SLIT3: variants seen among roughly 807,000 people sequenced by gnomAD.
The protein encoded by SLIT3 is slit guidance ligand 3.
A neutral mutation model predicts 184.0 loss-of-function variants in SLIT3; 68 were observed. That is an observed-to-expected ratio of 0.37 (90% CI 0.30 to 0.45). The LOEUF is 0.45. Among genes scored for constraint, SLIT3 ranks in the 20% least tolerant of loss-of-function variants. The probability of loss-of-function intolerance (pLI) is 1.00; values close to 1 mark genes in which losing one functional copy is unlikely to be tolerated. For synonymous variants in SLIT3, 831 were observed against 828.6 expected (o/e 1.00, Z -0.05); for missense variants, 1,707 against 2,026.0 (o/e 0.84, Z 3.02).
chr5:168,903,955 T>G (rs888072275), intron 4 of SLIT3, among the ~76,000 whole-genome samples: 1 of 152,150 alleles, frequency 6.6e-6, no homozygotes, highest in Non-Finnish European at 1.5e-5. Context: ...GGAACTGAGT[T>G]TGTTGAACCC....
At chr5:169,180,835 A>G (rs971469434) in intron 4 of SLIT3, among the ~76,000 whole-genome samples, 14 of 152,162 alleles carry the variant, frequency 9.2e-5, no homozygotes, top group African/African-American at 3.1e-4. Flanking sequence ...CCTAACAATT[A>G]TTTCCTAAGA....
intron 1 of SLIT3, among the ~76,000 whole-genome samples, chr5:169,252,396 T>C (rs1765807886): frequency 6.6e-6 from 1 of 152,190 alleles, no homozygotes; most frequent in South Asian, 2.1e-4. Context: ...GCTGAAGTGG[T>C]GGCGGTGATA....
At chr5:168,877,564 C>A (rs1315789733) in intron 5 of SLIT3, among the ~76,000 whole-genome samples, 1 of 152,184 alleles carries the variant, frequency 6.6e-6, no homozygotes, top group East Asian at 1.9e-4. Context: ...TCCCTCCCCA[C>A]ACCTCCCTCA....
chr5:168,882,166 AAT>A (rs1323135442), intron 5 of SLIT3, among the ~76,000 whole-genome samples: 1 of 152,156 alleles, frequency 6.6e-6, no homozygotes, highest in African/African-American at 2.4e-5. Flanking sequence ...GAAAAGTGAC[AAT>A]GTCTTTTTTT....
At chr5:168,985,064 C>T (rs1388105001) in intron 4 of SLIT3, among the ~76,000 whole-genome samples, 1 of 152,190 alleles carries the variant, frequency 6.6e-6, no homozygotes, top group Non-Finnish European at 1.5e-5. Context: ...CTTAGAATGA[C>T]AATTACTTGA....
At chr5:168,771,309 G>A (rs905782958) in intron 14 of SLIT3, among the ~76,000 whole-genome samples, 1 of 152,188 alleles carries the variant, frequency 6.6e-6, no homozygotes, top group Non-Finnish European at 1.5e-5. Flanking sequence ...GCGGGTAGGG[G>A]TGGGAGCATG....
intron 4 of SLIT3, among the ~76,000 whole-genome samples, chr5:168,907,006 G>A (rs1761075018): frequency 6.6e-6 from 1 of 152,068 alleles, no homozygotes; most frequent in South Asian, 2.1e-4. Flanking sequence ...GACTACAGGT[G>A]CACGCCACCA....
intron 4 of SLIT3, among the ~76,000 whole-genome samples, chr5:168,990,473 C>T (rs1755281713): frequency 6.6e-6 from 1 of 152,218 alleles, no homozygotes; most frequent in Non-Finnish European, 1.5e-5. Flanking sequence ...ATGACCACCT[C>T]ACAGCCTTAA....
chr5:169,112,311 G>A (rs1760441568), intron 4 of SLIT3, among the ~76,000 whole-genome samples: 1 of 152,242 alleles, frequency 6.6e-6, no homozygotes, highest in South Asian at 2.1e-4. Context: ...AGGTCATGCA[G>A]TTGGTGGAGA....
intron 32 of SLIT3, among the ~76,000 whole-genome samples, chr5:168,674,793 G>A (rs1254769701): frequency 6.6e-6 from 1 of 152,076 alleles, no homozygotes; most frequent in Non-Finnish European, 1.5e-5. Context: ...TGCCTGGCTG[G>A]TTATGGGATA....
chr5:168,735,757 TG>T (rs1763418232), intron 20 of SLIT3, among the ~76,000 whole-genome samples: 1 of 152,108 alleles, frequency 6.6e-6, no homozygotes. Context: ...TTCCTCTTGC[TG>T]TTCATTCTCT....
intron 5 of SLIT3, among the ~76,000 whole-genome samples, chr5:168,858,670 C>A (rs764711800): frequency 2.0e-5 from 3 of 152,250 alleles, no homozygotes; most frequent in Non-Finnish European, 4.4e-5. Flanking sequence ...GAAGCCTGTC[C>A]CTGATGGATA....
At chr5:169,240,917 C>T (rs563544302) in intron 3 of SLIT3, among the ~76,000 whole-genome samples, 122 of 151,228 alleles carry the variant, frequency 8.1e-4, no homozygotes, top group Middle Eastern at 6.8e-3. Context: ...TTTCAACATA[C>T]ATCTTTGACT....
intron 20 of SLIT3, among the ~76,000 whole-genome samples, chr5:168,744,763 T>C (rs1332411712): frequency 6.6e-6 from 1 of 152,218 alleles, no homozygotes; most frequent in Non-Finnish European, 1.5e-5. Flanking sequence ...ACATAAAGAT[T>C]TCTTTCAAAA....
chr5:168,986,601 C>T (rs1379611344), intron 4 of SLIT3, among the ~76,000 whole-genome samples: 2 of 152,166 alleles, frequency 1.3e-5, no homozygotes, highest in Non-Finnish European at 2.9e-5. Context: ...CTGGACCATC[C>T]AGGCATGCTG....
intron 9 of SLIT3, among the ~76,000 whole-genome samples, chr5:168,799,289 T>C (rs1756682864): frequency 6.6e-6 from 1 of 152,174 alleles, no homozygotes; most frequent in Admixed American, 6.5e-5. Context: ...AACTGTCACA[T>C]TTAGGGATGT....
At chr5:169,219,730 C>T (rs940232239) in intron 3 of SLIT3, among the ~76,000 whole-genome samples, 19 of 152,192 alleles carry the variant, frequency 1.2e-4, no homozygotes, top group Non-Finnish European at 2.2e-4. Context: ...GGTGTCTATT[C>T]CTATCCTGAG....
chr5:169,245,486 T>G (rs1197587024), intron 2 of SLIT3, among the ~76,000 whole-genome samples: 1 of 152,116 alleles, frequency 6.6e-6, no homozygotes, highest in Non-Finnish European at 1.5e-5. Context: ...AATGGCCGCT[T>G]AAATGGATGA....
chr5:168,907,695 C>A (rs557897251), intron 4 of SLIT3, among the ~76,000 whole-genome samples: 120 of 151,998 alleles, frequency 7.9e-4, no homozygotes, highest in Non-Finnish European at 1.3e-3. Context: ...AGCGTAGAAG[C>A]AATTACCTGT....
Sources: gnomAD v4.1 joint callset for allele counts (sites outside exome capture counted in the v4.1 genomes callset) on GRCh38, gnomAD v4.1.1 for gene constraint, MANE v1.5 for transcripts, NCBI Gene and HGNC (gene_info 2026-07-23, HGNC 2026-07-21) for gene names.